The following MARCHF10 variants were observed in gnomAD, a reference collection of about 807,000 sequenced individuals.
MARCHF10 encodes the protein probable E3 ubiquitin-protein ligase MARCHF10.
MARCHF10 carries 64 observed loss-of-function variants against 76.2 expected under a neutral mutation model. That is an observed-to-expected ratio of 0.84 (90% confidence interval 0.69 to 1.03). The LOEUF is 1.03. Ranked by LOEUF, MARCHF10 falls within the 50% of genes least tolerant of loss-of-function variation. The pLI, the probability that MARCHF10 is intolerant of heterozygous loss-of-function variation, is 0.00. For missense variants in MARCHF10, 875 were observed against 958.0 expected (o/e 0.91, Z 1.14); for synonymous variants, 340 against 357.5 (o/e 0.95, Z 0.55).
At chr17:62,773,030 T>C (rs1460282867) in intron 3 of MARCHF10, among the ~76,000 whole-genome samples, 1 of 152,192 alleles carries the variant, frequency 6.6e-6, no homozygotes, top group African/African-American at 2.4e-5. Context: ...TTGAAAATAT[T>C]ACTCTGAGAA....
chr17:62,703,745 G>A (rs1011676000), intron 10 of MARCHF10, among the ~76,000 whole-genome samples: 1 of 152,226 alleles, frequency 6.6e-6, no homozygotes, highest in Non-Finnish European at 1.5e-5. Context: ...CATTTGCCTC[G>A]GAGCAGCAGG....
rs2090564586 is a variant in MARCHF10, at chr17:62,722,948, T to TCG, written c.2105-352_2105-351insCG. On this transcript the variant is annotated intron_variant, in intron 7 of 10. Coordinates refer to ENST00000311269, the MANE Select transcript of MARCHF10 (RefSeq NM_152598.4). The stretch of plus-strand genomic sequence containing the variant: ...AGGTGTTTGTAAAAAGAGTGACTAT[T>TCG]CAGCTTTTTTTTTTTTTATTGTAGA... Among the ~76,000 whole-genome samples, 3 of 151,366 alleles carry TCG rather than the reference T, an allele frequency of 2.0e-5. No homozygotes were observed. In the South Asian group the frequency reaches 6.2e-4, roughly 31 times the overall value.
At chr17:62,748,073 T>C (rs1568154749) in intron 4 of MARCHF10, among the ~76,000 whole-genome samples, 2 of 152,178 alleles carry the variant, frequency 1.3e-5, no homozygotes, top group African/African-American at 2.4e-5. Flanking sequence ...TGAGGTGACC[T>C]AGATTGCACA....
At chr17:62,792,426 T>C (rs1403311438) in intron 2 of MARCHF10, among the ~76,000 whole-genome samples, 2 of 151,992 alleles carry the variant, frequency 1.3e-5, no homozygotes, top group Non-Finnish European at 2.9e-5. Flanking sequence ...CAGTTGGTGA[T>C]ATGTTAATAA....
intron 3 of MARCHF10, among the ~76,000 whole-genome samples, chr17:62,784,362 T>C (rs913547684): frequency 2.0e-5 from 3 of 152,280 alleles, no homozygotes; most frequent in East Asian, 3.9e-4. Flanking sequence ...TAGGTATTGA[T>C]GGAACATATC....
intron 3 of MARCHF10, among the ~76,000 whole-genome samples, chr17:62,784,661 G>A (rs1309545337): frequency 6.6e-5 from 10 of 152,306 alleles, no homozygotes; most frequent in East Asian, 1.9e-4. Flanking sequence ...GAGCTGATAA[G>A]CAACTTCAGC....
intron 2 of MARCHF10, among the ~76,000 whole-genome samples, chr17:62,800,464 G>T (rs552959560): frequency 6.6e-6 from 1 of 152,240 alleles, no homozygotes; most frequent in African/African-American, 2.4e-5. Context: ...CTTCTTATAC[G>T]TGGGTTGGCA....
intron 10 of MARCHF10, among the ~76,000 whole-genome samples, chr17:62,704,458 C>T (rs764189468): frequency 6.6e-6 from 1 of 152,226 alleles, no homozygotes; most frequent in African/African-American, 2.4e-5. Context: ...GGGCCCTCTC[C>T]GGGTCTCTGA....
intron 3 of MARCHF10, among the ~76,000 whole-genome samples, chr17:62,775,507 C>CG (rs138680582): frequency 0.016 from 2,275 of 146,732 alleles, 66 homozygotes; most frequent in African/African-American, 0.038. Context: ...GTCAGCCACT[C>CG]GGGGGGGGGC....
chr17:62,771,574 AT>A (rs1207861655), intron 3 of MARCHF10, among the ~76,000 whole-genome samples: 330 of 126,224 alleles, frequency 2.6e-3, no homozygotes, highest in South Asian at 8.8e-3. Flanking sequence ...GTCAATATCT[AT>A]TTTTTTTTTT....
At chr17:62,797,459 C>A (rs1052271986) in intron 2 of MARCHF10, among the ~76,000 whole-genome samples, 1 of 152,218 alleles carries the variant, frequency 6.6e-6, no homozygotes, top group African/African-American at 2.4e-5. Context: ...CTGCCTTGGC[C>A]TCCCAAAGTG....
At chr17:62,749,554 C>A (rs1280442226) in intron 4 of MARCHF10, among the ~76,000 whole-genome samples, 3 of 152,316 alleles carry the variant, frequency 2.0e-5, no homozygotes, top group Middle Eastern at 3.4e-3. Flanking sequence ...TGTGCAGTCA[C>A]AAATAATAGG....
Position 62,801,710 on chromosome 17 carries a change from T to C in MARCHF10, c.26A>G (p.Gln9Arg). Residue 9 changes from glutamine (Q) to arginine (R), a missense_variant, in exon 2 of 11, where the codon CAG (glutamine) becomes CGG (arginine). Physicochemically the swap from Gln to Arg is conservative, Grantham distance 43. Transcript: ENST00000311269. ...ATACTGAACATCGCTGAAGAACTTC[T>C]GCCTGTCCCTTGCGTCATGCAACAT... MLHDARDR[Q>R]KFFSDVQYLR... 6.2e-7 allele frequency: 1 copy of C among 1,614,214 alleles called. No homozygotes were observed. Among genetic ancestry groups the C allele is most frequent in the Non-Finnish European group, 8.5e-7 (1 of 1,180,030 alleles).
At chr17:62,790,239 G>C (rs922705873) in intron 2 of MARCHF10, among the ~76,000 whole-genome samples, 2 of 151,804 alleles carry the variant, frequency 1.3e-5, no homozygotes, top group Non-Finnish European at 2.9e-5. Flanking sequence ...GCAGTGGCAC[G>C]ATCTTGGCTC....
At chr17:62,718,178 T>C (rs550425024) in intron 8 of MARCHF10, among the ~76,000 whole-genome samples, 5 of 152,318 alleles carry the variant, frequency 3.3e-5, no homozygotes, top group Non-Finnish European at 5.9e-5. Context: ...TCTCACCTTC[T>C]ACAGATAAGA....
In MARCHF10 at chr17:62,788,605, GAAC is replaced by G. The variant is rs561839500; in HGVS notation, c.91-9_91-7del. 164 of 1,613,822 alleles carry G rather than the reference GAAC, an allele frequency of 1.0e-4. 1 individual carries two copies. The highest frequency in any genetic ancestry group is 1.1e-4 in the Non-Finnish European group (129 of 1,180,010). Reference sequence around the variant, plus strand: ...TCCTGTCGTCTCAGACAAGCCTGAAGAACAACAACAATAAAATGTTTGTCTTAG... The same window carrying G: ...TCCTGTCGTCTCAGACAAGCCTGAAGAACAACAATAAAATGTTTGTCTTAG... On this transcript the variant is annotated splice_region_variant and splice_polypyrimidine_tract_variant and intron_variant, in intron 2 of 10. Coordinates refer to ENST00000311269, the MANE Select transcript of MARCHF10 (RefSeq NM_152598.4).
At chr17:62,798,951 G>A (rs1487096127) in intron 2 of MARCHF10, among the ~76,000 whole-genome samples, 1 of 152,198 alleles carries the variant, frequency 6.6e-6, no homozygotes, top group East Asian at 1.9e-4. Context: ...TAGATGGTGT[G>A]TAGCCTGGAG....
At position 62,720,574 on chromosome 17, in the gene MARCHF10, A is replaced by T. The variant is rs534911245; in HGVS notation, c.2214+1914T>A. 7.2e-5 allele frequency among the ~76,000 whole-genome samples: 11 copies of T among 151,996 alleles called. No individual in the cohort carries two copies. The East Asian group carries it at 2.1e-3, about 29-fold the overall frequency. ...CTGAGGGCAAACTGTTAGTAAGAAC[A>T]GAAAGCTCTGGCTTATACCAAAATG... On this transcript the variant is annotated intron_variant, in intron 8 of 10. Coordinates refer to ENST00000311269, the MANE Select transcript of MARCHF10 (RefSeq NM_152598.4).
At position 62,801,670 on chromosome 17, in the gene MARCHF10, C is replaced by T. The variant is rs771574688; in HGVS notation, c.66G>A (p.Gln22=). Residue 22 remains glutamine, a synonymous_variant, in exon 2 of 11, where the codon CAG becomes CAA. Transcript: ENST00000311269. The part of the protein sequence containing the change: ...FSDVQYLRDM[Q]HKVDSEYQAC... ...CCTGATACTCAGAGTCCACCTTATG[C>T]TGCATGTCCCGCAGATACTGAACAT... 1 of 1,614,148 alleles carries T rather than the reference C, an allele frequency of 6.2e-7. No homozygotes were observed. Among genetic ancestry groups the T allele is most frequent in the Non-Finnish European group, 8.5e-7 (1 of 1,179,990 alleles).
Sources: gnomAD v4.1 joint callset for allele counts (sites outside exome capture counted in the v4.1 genomes callset) on GRCh38, gnomAD v4.1.1 for gene constraint, MANE v1.5 for transcripts, NCBI Gene and HGNC (gene_info 2026-07-23, HGNC 2026-07-21) for gene names.